Variants in VDR observed in about 807,000 individuals in gnomAD.
The protein encoded by VDR is vitamin D3 receptor.
A neutral mutation model predicts 39.7 loss-of-function variants in VDR; 19 were observed. That is an observed-to-expected ratio of 0.48 (90% confidence interval 0.33 to 0.70). The LOEUF is 0.70. Among genes scored for constraint, VDR ranks in the 30% least tolerant of loss-of-function variants. The pLI is 0.02. For missense variants in VDR, 442 were observed against 570.5 expected (o/e 0.77, Z 2.29); for synonymous variants, 242 against 215.8 (o/e 1.12, Z -1.07).
intron 3 of VDR, among the ~76,000 whole-genome samples, chr12:47,868,973 C>T (rs1450002410): frequency 2.0e-5 from 3 of 152,134 alleles, no homozygotes; most frequent in Non-Finnish European, 2.9e-5. Context: ...AGACTGGGCC[C>T]GGGACTGAGA....
At chr12:47,873,497 G>A (rs1236327965) in intron 3 of VDR, among the ~76,000 whole-genome samples, 1 of 150,412 alleles carries the variant, frequency 6.6e-6, no homozygotes, top group Admixed American at 6.6e-5. Context: ...GAGTAGCTGG[G>A]ACTACAGGCG....
chr12:47,864,642 G>C (rs1404940765), intron 4 of VDR, among the ~76,000 whole-genome samples: 1 of 152,180 alleles, frequency 6.6e-6, no homozygotes, highest in Non-Finnish European at 1.5e-5. Context: ...CATAGAACCT[G>C]GGGGTCCTTG....
chr12:47,898,066 A>G (rs767531921), intron 1 of VDR, among the ~76,000 whole-genome samples: 2 of 152,104 alleles, frequency 1.3e-5, no homozygotes, highest in African/African-American at 2.4e-5. Context: ...AACTGAGGAG[A>G]CCACCAAGTG....
chr12:47,873,323 A>G (rs1945924269), intron 3 of VDR, among the ~76,000 whole-genome samples: 1 of 148,320 alleles, frequency 6.7e-6, no homozygotes, highest in African/African-American at 2.5e-5. Flanking sequence ...CCATCCATGC[A>G]GAACCATGAG....
At chr12:47,883,879 G>T (rs34580696) in intron 1 of VDR, among the ~76,000 whole-genome samples, 25 of 152,320 alleles carry the variant, frequency 1.6e-4, no homozygotes, top group African/African-American at 6.0e-4. Context: ...AGTACTGCCA[G>T]CTCCCAGGGA....
intron 1 of VDR, among the ~76,000 whole-genome samples, chr12:47,892,060 T>C (rs1326123978): frequency 6.6e-6 from 1 of 152,254 alleles, no homozygotes; most frequent in Non-Finnish European, 1.5e-5. Flanking sequence ...GGGTGGGCTC[T>C]GGCTCAGTGG....
At chr12:47,845,051 G>C in intron 9 of VDR, 46 bp from the exon 10 acceptor site, 1 of 1,602,708 alleles carries the variant, frequency 6.2e-7, no homozygotes, top group Non-Finnish European at 8.5e-7. Context: ...CTCTCAGCTG[G>C]GCCCCTCACT....
chr12:47,877,237 A>AAC (rs137904211), intron 3 of VDR, among the ~76,000 whole-genome samples: 41 of 151,480 alleles, frequency 2.7e-4, no homozygotes, highest in Non-Finnish European at 3.4e-4. Context: ...AAATCACACA[A>AAC]ACACACACAC....
At chr12:47,904,765 T>C in intron 1 of VDR, 190 bp downstream of exon 1, 1 of 886,974 alleles carries the variant, frequency 1.1e-6, no homozygotes, top group Non-Finnish European at 1.7e-6. Flanking sequence ...GAACTTCAGC[T>C]TTCTCAAACC....
chr12:47,867,017 C>CAAAACA (rs139104443), intron 3 of VDR, among the ~76,000 whole-genome samples: 6 of 150,838 alleles, frequency 4.0e-5, no homozygotes, highest in Non-Finnish European at 7.4e-5. Flanking sequence ...CAAAACAAAA[C>CAAAACA]AAAAAAAACC....
chr12:47,874,452 G>A (rs185324837), intron 3 of VDR, among the ~76,000 whole-genome samples: 1 of 152,298 alleles, frequency 6.6e-6, no homozygotes. Flanking sequence ...TCAGTGGGGT[G>A]ACCTTCCTGA....
At chr12:47,861,975 T>C (rs141002261) in intron 4 of VDR, among the ~76,000 whole-genome samples, 1 of 152,344 alleles carries the variant, frequency 6.6e-6, no homozygotes, top group East Asian at 1.9e-4. Context: ...TCTATAGACC[T>C]GTGGAAGATA....
intron 4 of VDR, among the ~76,000 whole-genome samples, chr12:47,863,542 A>T (rs570443933): frequency 6.6e-6 from 1 of 151,926 alleles, no homozygotes; most frequent in Admixed American, 6.5e-5. Context: ...GCCCACCCTA[A>T]CGCCTCACCC....
chr12:47,883,790 G>C (rs1946204817), intron 1 of VDR, among the ~76,000 whole-genome samples: 1 of 152,228 alleles, frequency 6.6e-6, no homozygotes, highest in Non-Finnish European at 1.5e-5. Flanking sequence ...GCAGGGAAGG[G>C]GGAGAGCTCA....
chr12:47,870,840 TA>T (rs1945839117), intron 3 of VDR, among the ~76,000 whole-genome samples: 2 of 152,244 alleles, frequency 1.3e-5, no homozygotes, highest in South Asian at 4.1e-4. Flanking sequence ...GAATGCTTAC[TA>T]GTTTGATTAT....
chr12:47,868,135 G>A (rs1004621159), intron 3 of VDR, among the ~76,000 whole-genome samples: 7 of 152,226 alleles, frequency 4.6e-5, no homozygotes, highest in African/African-American at 1.7e-4. Flanking sequence ...GGGATCTAAG[G>A]CTTAGCCTTT....
At chr12:47,860,308 G>A (rs930012776) in intron 4 of VDR, among the ~76,000 whole-genome samples, 1 of 152,132 alleles carries the variant, frequency 6.6e-6, no homozygotes, top group Non-Finnish European at 1.5e-5. Flanking sequence ...AGGCTAGACC[G>A]GAGGGGCTAC....
At chr12:47,856,113 T>C (rs1945482899) in intron 6 of VDR, among the ~76,000 whole-genome samples, 1 of 152,240 alleles carries the variant, frequency 6.6e-6, no homozygotes, top group Non-Finnish European at 1.5e-5. Flanking sequence ...TGGAAAAAAA[T>C]GTTCAACCTT....
intron 2 of VDR, among the ~76,000 whole-genome samples, chr12:47,880,938 A>G: frequency 6.7e-6 from 1 of 148,652 alleles, no homozygotes; most frequent in South Asian, 2.1e-4. Context: ...GCAGCTACAT[A>G]TACATTAAAG....
Sources: gnomAD v4.1 joint callset for allele counts (sites outside exome capture counted in the v4.1 genomes callset) on GRCh38, gnomAD v4.1.1 for gene constraint, MANE v1.5 for transcripts, NCBI Gene and HGNC (gene_info 2026-07-23, HGNC 2026-07-21) for gene names.